CDH17: variants seen among roughly 807,000 people sequenced by gnomAD.
CDH17 encodes the protein cadherin-17.
CDH17 carries 67 observed loss-of-function variants against 86.3 expected under a neutral mutation model. The ratio of observed to expected loss-of-function variants is 0.78; its 90% CI spans 0.64 to 0.95. The LOEUF (loss-of-function observed/expected upper bound fraction) is 0.95. Ranked by LOEUF, CDH17 falls within the 40% of genes least tolerant of loss-of-function variation. CDH17 has a pLI of 0.00. For missense variants in CDH17, 993 were observed against 1,017.6 expected (o/e 0.98, Z 0.33); for synonymous variants, 367 against 366.4 (o/e 1.00, Z -0.02).
intron 4 of CDH17, 109 bp downstream of exon 4, chr8:94,177,478 A>T: frequency 8.7e-7 from 1 of 1,145,362 alleles, no homozygotes; most frequent in Non-Finnish European, 1.3e-6. Context: ...TAATGTAAGG[A>T]AAGCTGTAAC....
chr8:94,185,311 ACACC>A (rs1211011807), intron 3 of CDH17, among the ~76,000 whole-genome samples: 7 of 147,824 alleles, frequency 4.7e-5, no homozygotes, highest in Non-Finnish European at 1.0e-4. Context: ...ACACACACAC[ACACC>A]CCTGTAAAGA....
intron 2 of CDH17, among the ~76,000 whole-genome samples, chr8:94,190,248 A>G (rs1813661211): frequency 6.6e-6 from 1 of 152,236 alleles, no homozygotes; most frequent in African/African-American, 2.4e-5. Flanking sequence ...CAACTCTGGA[A>G]CCAGCCCTCT....
At chr8:94,210,226 TAAAAAAAAA>T (rs71567010), upstream of CDH17, among the ~76,000 whole-genome samples, 92 of 53,458 alleles carry the variant, frequency 1.7e-3, 2 homozygotes, top group African/African-American at 5.5e-3. Flanking sequence ...TTTATGCGAG[TAAAAAAAAA>T]AAAAAAAAAA....
upstream of CDH17, among the ~76,000 whole-genome samples, chr8:94,211,863 C>T (rs952672412): frequency 2.6e-5 from 4 of 152,182 alleles, no homozygotes; most frequent in African/African-American, 9.7e-5. Context: ...ATAAGTACTT[C>T]TTAGGACTCA....
At position 94,177,569 on chromosome 8, in the gene CDH17, C is replaced by T. The variant is rs201190648; in HGVS notation, c.285+18G>A. 1,280 of 1,613,312 alleles carry T rather than the reference C, an allele frequency of 7.9e-4. 2 individuals are homozygous for T. Among genetic ancestry groups the T allele is most frequent in the Non-Finnish European group, 1.1e-3 (1,255 of 1,179,552 alleles). On this transcript the variant is annotated intron_variant, in intron 4 of 17. Transcript: ENST00000027335. ...CAGAGAGGTTGGAGTTAGATCCCTT[C>T]AGCTGGTATCAATTTACCTGGAGAT...
Position 94,173,776 on chromosome 8 carries a change from T to C in CDH17, c.783+21A>G, listed in dbSNP as rs1317527539. 3 of 1,598,332 alleles carry C rather than the reference T, an allele frequency of 1.9e-6. No individual in the cohort carries two copies. The South Asian group carries it at 3.3e-5, about 18-fold the overall frequency. On this transcript the variant is annotated intron_variant, in intron 7 of 17. Transcript: ENST00000027335. ...CCATTTATCTAGTTGGCTCTCAGTG[T>C]TACTTGGGCTTGGGTACTACCTGAG...
chr8:94,170,463 T>G lies in CDH17; in HGVS notation c.1000A>C (p.Asn334His), dbSNP rs1813246631. 6.2e-7 allele frequency: 1 copy of G among 1,613,846 alleles called. No homozygotes were observed. Among genetic ancestry groups the G allele is most frequent in the Non-Finnish European group, 8.5e-7 (1 of 1,179,780 alleles). ...GACGGACATGTAGGTGGATTATCAT[T>G]AATATCTTTAACTTTTACATGAATT... ...LEIHVKVKDI[N>H]DNPPTCPSPV... The change falls in exon 9 of 18, where the codon AAT becomes CAT. Residue 334 changes from asparagine (N) to histidine (H), a missense_variant. By Grantham distance (68) the Asn-to-His change is moderately conservative (BLOSUM62 1). Coordinates refer to ENST00000027335, the MANE Select transcript of CDH17 (RefSeq NM_004063.4).
chr8:94,134,083 C>T (rs965560304), intron 15 of CDH17, among the ~76,000 whole-genome samples: 6 of 152,168 alleles, frequency 3.9e-5, no homozygotes, highest in African/African-American at 9.7e-5. Flanking sequence ...ATTTTCACAT[C>T]GATGTTCATC....
chr8:94,144,733 G>C (rs1012002459), intron 15 of CDH17, among the ~76,000 whole-genome samples: 2 of 152,088 alleles, frequency 1.3e-5, no homozygotes, highest in African/African-American at 4.8e-5. Context: ...GACAAGCCAT[G>C]GCCTGGGAGA....
chr8:94,148,821 C>T lies in CDH17; in HGVS notation c.1850G>A (p.Gly617Asp), dbSNP rs1221401166. 1.9e-6 allele frequency: 3 copies of T among 1,608,800 alleles called. No homozygotes were observed. The highest frequency in any genetic ancestry group is 1.1e-5 in the South Asian group (1 of 90,642). The change falls in exon 14 of 18, where the codon GGT becomes GAT. Residue 617 changes from glycine to aspartate, a missense_variant. By Grantham distance (94) the Gly-to-Asp change is moderately conservative. Transcript: ENST00000027335. ...RGWLKIDHVT[G>D]EIFSVAPLDR... ...CAATGGAGCCACACTAAAGATCTCA[C>T]CAGTCACGTGGTCAATTTTAAGCCA... is the stretch of plus-strand genomic sequence containing the variant.
In CDH17 at chr8:94,170,514, C is replaced by A; in HGVS notation, c.949G>T (p.Gly317Ter). 6.2e-7 allele frequency: 1 copy of A among 1,613,712 alleles called. No individual in the cohort carries two copies. Among genetic ancestry groups the A allele is most frequent in the Non-Finnish European group, 8.5e-7 (1 of 1,179,802 alleles). ...TCCAGCGGATATGAAAGTGGTTTTC[C>A]GTACTCATCCTTTGCAACTGCATAA... Reference protein sequence around the residue: ...VFYAVAKDEYGKPLSYPLEIH... With the variant: ...VFYAVAKDEY Residue 317 changes from glycine (G) to a stop codon, truncating the protein, a stop_gained, in exon 9 of 18, where the codon GGA becomes TGA. Transcript: ENST00000027335. LOFTEE classifies it high-confidence loss of function.
intron 1 of CDH17, among the ~76,000 whole-genome samples, chr8:94,195,734 C>A (rs532730567): frequency 6.6e-6 from 1 of 150,996 alleles, no homozygotes; most frequent in African/African-American, 2.5e-5. Context: ...GTTTGGACTG[C>A]CCCTCCCCAA....
chr8:94,188,896 T>C (rs911375129), intron 3 of CDH17, among the ~76,000 whole-genome samples: 5 of 152,018 alleles, frequency 3.3e-5, no homozygotes, highest in Non-Finnish European at 7.4e-5. Flanking sequence ...CAGAGACAGG[T>C]TCCCTTTCTA....
chr8:94,161,168 C>A (rs1040312484), intron 11 of CDH17, among the ~76,000 whole-genome samples: 11 of 152,098 alleles, frequency 7.2e-5, no homozygotes, highest in African/African-American at 2.7e-4. Flanking sequence ...CGATAAAAGG[C>A]GAGGAGGTCA....
intron 12 of CDH17, among the ~76,000 whole-genome samples, chr8:94,158,513 G>A (rs1442667411): frequency 1.3e-5 from 2 of 152,280 alleles, no homozygotes; most frequent in Non-Finnish European, 2.9e-5. Flanking sequence ...TTCCTAGAGA[G>A]CTCTGGTCCT....
At chr8:94,147,409 T>C (rs967014538) in intron 14 of CDH17, among the ~76,000 whole-genome samples, 8 of 152,206 alleles carry the variant, frequency 5.3e-5, no homozygotes, top group African/African-American at 1.9e-4. Context: ...TCTTTCCACA[T>C]GCAGGGGCCG....
intron 2 of CDH17, among the ~76,000 whole-genome samples, chr8:94,193,210 C>T (rs890534207): frequency 6.6e-5 from 10 of 152,180 alleles, no homozygotes; most frequent in African/African-American, 2.2e-4. Flanking sequence ...AATAAAAATG[C>T]ATGTTCCCTT....
intron 9 of CDH17, among the ~76,000 whole-genome samples, chr8:94,166,630 A>G (rs1280024097): frequency 6.6e-6 from 1 of 152,166 alleles, no homozygotes; most frequent in Admixed American, 6.5e-5. Context: ...GAACCTGAGC[A>G]TGGGACTCAT....
rs1169656842 is a variant in CDH17 at position 94,174,174 on chromosome 8, G to T, written c.511C>A (p.Leu171Ile). ...GQLYYQIVIQ[L>I]PMINNVMYFQ... ...TACATGACATTGTTGATCATGGGAA[G>T]CTGGATGACAATCTGGTAATAAAGC... Residue 171 changes from leucine to isoleucine, a missense_variant, in exon 6 of 18, where the codon CTT (leucine) becomes ATT (isoleucine). Transcript: ENST00000027335. The T allele has an allele frequency of 2.5e-6, 4 of 1,613,550 alleles. No individual in the cohort carries two copies. In the Admixed American group the frequency reaches 6.7e-5, roughly 27 times the overall value.
Sources: gnomAD v4.1 joint callset for allele counts (sites outside exome capture counted in the v4.1 genomes callset) on GRCh38, gnomAD v4.1.1 for gene constraint, MANE v1.5 for transcripts, NCBI Gene and HGNC (gene_info 2026-07-23, HGNC 2026-07-21) for gene names.